ROBO2: variants seen among roughly 807,000 people sequenced by gnomAD.
ROBO2 encodes roundabout guidance receptor 2, also known as roundabout homolog 2.
In ROBO2, 53 loss-of-function variants were observed where a neutral mutation model predicts 160.8. The observed-to-expected ratio is 0.33, with a 90% confidence interval of 0.26 to 0.41. ROBO2 has a LOEUF of 0.41. ROBO2 is among the 10% of genes least tolerant of loss of function. The pLI is 1.00. For synonymous variants in ROBO2, 664 were observed against 611.7 expected, an observed-to-expected ratio of 1.09 and a Z score of -1.26; for missense variants, 1,577 against 1,722.4, an observed-to-expected ratio of 0.92 and a Z score of 1.49.
intron 2 of ROBO2, among the ~76,000 whole-genome samples, chr3:75,982,982 C>T (rs1282702972): frequency 3.3e-5 from 5 of 151,398 alleles, no homozygotes; most frequent in Non-Finnish European, 7.4e-5. Context: ...GACTAGCACT[C>T]GCAATGTGAG....
exon 23 of ROBO2, chr3:77,622,388 A>G: frequency 6.2e-7 from 1 of 1,614,140 alleles, no homozygotes; most frequent in Non-Finnish European, 8.5e-7. Flanking sequence ...GCACTGGACC[A>G]GACTCCTGGA....
chr3:76,579,980 T>C (rs1265321020), intron 2 of ROBO2, among the ~76,000 whole-genome samples: 1 of 152,092 alleles, frequency 6.6e-6, no homozygotes, highest in African/African-American at 2.4e-5. Context: ...AGTACTTTGA[T>C]TTAGCTCTCA....
intron 2 of ROBO2, among the ~76,000 whole-genome samples, chr3:76,681,620 G>A (rs1029906928): frequency 1.3e-5 from 2 of 152,142 alleles, no homozygotes; most frequent in African/African-American, 4.8e-5. Flanking sequence ...GAAGGGGTAT[G>A]GTGTGGAACA....
intron 2 of ROBO2, among the ~76,000 whole-genome samples, chr3:77,218,351 C>T (rs568631179): frequency 1.3e-5 from 2 of 151,854 alleles, no homozygotes; most frequent in East Asian, 3.9e-4. Context: ...TTCCTACCAT[C>T]CTTCATAGCT....
At chr3:76,434,402 GAAA>G in intron 2 of ROBO2, 2 of 1,563,834 alleles carry the variant, frequency 1.3e-6, no homozygotes, top group South Asian at 2.2e-5. Flanking sequence ...AGCTGTCAAC[GAAA>G]GTATCCAGGC....
chr3:75,989,666 C>G (rs930710597), intron 2 of ROBO2, among the ~76,000 whole-genome samples: 13 of 152,308 alleles, frequency 8.5e-5, no homozygotes, highest in Admixed American at 2.6e-4. Flanking sequence ...ACACGTTTGT[C>G]TGTTCTCACT....
exon 2 of ROBO2, chr3:77,098,184 C>T: frequency 6.2e-7 from 1 of 1,614,140 alleles, no homozygotes; most frequent in Non-Finnish European, 8.5e-7. Context: ...CAAGGACGAT[C>T]CCCGGTCCCA....
chr3:76,852,838 A>G (rs908404675), intron 2 of ROBO2, among the ~76,000 whole-genome samples: 1 of 152,150 alleles, frequency 6.6e-6, no homozygotes, highest in Admixed American at 6.5e-5. Context: ...TCACTGTTAT[A>G]TATATGTCGT....
chr3:77,243,731 T>C (rs1337923083), intron 2 of ROBO2, among the ~76,000 whole-genome samples: 1 of 152,228 alleles, frequency 6.6e-6, no homozygotes, highest in Non-Finnish European at 1.5e-5. Context: ...CTAATTTCTC[T>C]AAGTTTCAGT....
At chr3:76,634,408 A>G (rs905379350) in intron 2 of ROBO2, among the ~76,000 whole-genome samples, 3 of 152,106 alleles carry the variant, frequency 2.0e-5, no homozygotes, top group Non-Finnish European at 4.4e-5. Context: ...TCTCTACTAA[A>G]ACAACAAAAA....
At chr3:75,909,264 TA>T (rs1027202178) in intron 1 of ROBO2, among the ~76,000 whole-genome samples, 5 of 152,130 alleles carry the variant, frequency 3.3e-5, no homozygotes, top group African/African-American at 7.2e-5. Context: ...CATAATCTCT[TA>T]AAAAAATAAA....
At chr3:77,040,763 T>C (rs762642046) in exon 1 of ROBO2, 1 of 1,613,964 alleles carries the variant, frequency 6.2e-7, no homozygotes, top group East Asian at 2.2e-5. Context: ...TTAAAGAATC[T>C]GGATCCTTTT....
chr3:76,766,259 A>G (rs1050975129), intron 2 of ROBO2, among the ~76,000 whole-genome samples: 1 of 151,608 alleles, frequency 6.6e-6, no homozygotes, highest in African/African-American at 2.4e-5. Flanking sequence ...TTCACCTACA[A>G]TGAGAATTAT....
At chr3:77,132,922 A>T (rs1336460450) in intron 2 of ROBO2, among the ~76,000 whole-genome samples, 1 of 152,168 alleles carries the variant, frequency 6.6e-6, no homozygotes, top group Non-Finnish European at 1.5e-5. Context: ...AAGTGAATAC[A>T]TCTTAAGAGA....
At chr3:76,756,620 A>G (rs1250938950) in intron 2 of ROBO2, among the ~76,000 whole-genome samples, 1 of 151,960 alleles carries the variant, frequency 6.6e-6, no homozygotes, top group Non-Finnish European at 1.5e-5. Context: ...CATAAACCAG[A>G]TGATCCATCA....
At chr3:77,000,024 A>G (rs1483078553) in intron 2 of ROBO2, among the ~76,000 whole-genome samples, 2 of 152,070 alleles carry the variant, frequency 1.3e-5, no homozygotes, top group African/African-American at 4.8e-5. Flanking sequence ...TTTGCTCCCA[A>G]CATTTCCAGA....
At chr3:76,705,167 C>T (rs1043336558) in intron 2 of ROBO2, among the ~76,000 whole-genome samples, 1 of 152,110 alleles carries the variant, frequency 6.6e-6, no homozygotes, top group East Asian at 1.9e-4. Context: ...TCTGATCTCA[C>T]TCATTATCTC....
chr3:76,936,644 CAT>C (rs764497453), intron 2 of ROBO2, among the ~76,000 whole-genome samples: 9 of 148,910 alleles, frequency 6.0e-5, no homozygotes, highest in Admixed American at 2.0e-4. Context: ...TATAAATACA[CAT>C]GTTTACTATA....
intron 2 of ROBO2, among the ~76,000 whole-genome samples, chr3:77,006,620 T>C (rs1559834401): frequency 6.6e-6 from 1 of 152,076 alleles, no homozygotes; most frequent in Admixed American, 6.6e-5. Flanking sequence ...GAATATACTT[T>C]GTAAATGATA....
Sources: gnomAD v4.1 joint callset for allele counts (sites outside exome capture counted in the v4.1 genomes callset) on GRCh38, gnomAD v4.1.1 for gene constraint, MANE v1.5 for transcripts, NCBI Gene and HGNC (gene_info 2026-07-23, HGNC 2026-07-21) for gene names.